KAT6B: variants seen among roughly 807,000 people sequenced by gnomAD.
KAT6B encodes lysine acetyltransferase 6B, also known as histone acetyltransferase KAT6B.
KAT6B carries 10 observed loss-of-function variants against 187.5 expected under a neutral mutation model. The observed-to-expected ratio is 0.05, with a 90% CI of 0.03 to 0.09. KAT6B has a LOEUF of 0.09. Ranked by LOEUF, KAT6B falls within the 10% of genes least tolerant of loss-of-function variation. The pLI is 1.00. For missense variants in KAT6B, 1,952 were observed against 2,558.9 expected (o/e 0.76, Z 5.12); for synonymous variants, 861 against 926.8 (o/e 0.93, Z 1.29).
intron 9 of KAT6B, among the ~76,000 whole-genome samples, chr10:74,978,828 C>G (rs1192173401): frequency 6.6e-6 from 1 of 152,166 alleles, no homozygotes; most frequent in Non-Finnish European, 1.5e-5. Flanking sequence ...ATAAATAAGC[C>G]TGTGTAATAG....
At chr10:74,999,749 G>T (rs1843701413) in intron 13 of KAT6B, among the ~76,000 whole-genome samples, 1 of 152,182 alleles carries the variant, frequency 6.6e-6, no homozygotes, top group African/African-American at 2.4e-5. Flanking sequence ...CTTCTGGGAC[G>T]AGACACTAAG....
At chr10:74,940,278 CTT>C (rs988686640) in intron 3 of KAT6B, among the ~76,000 whole-genome samples, 27 of 142,044 alleles carry the variant, frequency 1.9e-4, no homozygotes, top group Admixed American at 3.5e-4. Context: ...TATTTTTCCC[CTT>C]TTTTTTTTTT....
chr10:74,907,542 C>A (rs1263399367), intron 3 of KAT6B, among the ~76,000 whole-genome samples: 1 of 151,362 alleles, frequency 6.6e-6, no homozygotes, highest in Non-Finnish European at 1.5e-5. Flanking sequence ...TTCTTTTTTT[C>A]TGAGGCAGAG....
chr10:74,972,467 G>C, intron 6 of KAT6B, 40 bp from the exon 7 acceptor site: 1 of 1,388,690 alleles, frequency 7.2e-7, no homozygotes, highest in Non-Finnish European at 1.0e-6. Flanking sequence ...CTCTTAAAAT[G>C]AAACATTAAA....
chr10:74,929,106 A>G (rs1214464192), intron 3 of KAT6B, among the ~76,000 whole-genome samples: 1 of 152,218 alleles, frequency 6.6e-6, no homozygotes, highest in East Asian at 1.9e-4. Flanking sequence ...TTTGGGCCTC[A>G]TTGCTTATAT....
chr10:74,989,161 G>A lies in KAT6B; in HGVS notation c.2629+49G>A, dbSNP rs372910577. ...TTCATGATCCAGGAAGCTGATGGCC[G>A]TTACAGGAAACAGTAAAATATAAAA... On this transcript the variant is annotated intron_variant, in intron 13 of 17. Coordinates refer to ENST00000287239, the MANE Select transcript of KAT6B (RefSeq NM_012330.4). The A allele has an allele frequency of 3.4e-5, 43 of 1,271,978 alleles. No individual in the cohort carries two copies. In the African/African-American group the frequency reaches 4.4e-4, roughly 13 times the overall value. 78.8% of individuals were successfully genotyped at this position (1,271,978 alleles called of 1,614,324 possible). A position where few individuals can be genotyped will look rare whatever the true frequency, so the allele number is the denominator to read the frequency against.
intron 3 of KAT6B, among the ~76,000 whole-genome samples, chr10:74,904,098 C>A (rs1846588337): frequency 6.6e-6 from 1 of 152,188 alleles, no homozygotes; most frequent in Admixed American, 6.5e-5. Context: ...ACACCTGTCT[C>A]ACAACAAGGA....
chr10:74,968,438 G>T (rs1841628307), intron 4 of KAT6B, among the ~76,000 whole-genome samples: 1 of 151,324 alleles, frequency 6.6e-6, no homozygotes, highest in Admixed American at 6.6e-5. Flanking sequence ...ATTGGTGATT[G>T]ATTTTGAATG....
intron 3 of KAT6B, 131 bp from the exon 4 acceptor site, chr10:74,959,839 G>T: frequency 1.5e-6 from 1 of 687,338 alleles, no homozygotes; most frequent in South Asian, 1.7e-5. Flanking sequence ...ATTTAAATAC[G>T]TTATTTAGCA....
chr10:74,913,121 A>T (rs909307630), intron 3 of KAT6B, among the ~76,000 whole-genome samples: 1 of 152,204 alleles, frequency 6.6e-6, no homozygotes, highest in East Asian at 1.9e-4. Context: ...ACAAGCTATT[A>T]TTCAGTGTGG....
chr10:74,867,092 CTA>C (rs1843604935), intron 3 of KAT6B, among the ~76,000 whole-genome samples: 1 of 152,086 alleles, frequency 6.6e-6, no homozygotes. Context: ...GTCTCGATAA[CTA>C]GAGCTAGCTG....
At chr10:74,861,861 G>A (rs1843212337) in intron 3 of KAT6B, among the ~76,000 whole-genome samples, 1 of 152,264 alleles carries the variant, frequency 6.6e-6, no homozygotes, top group Non-Finnish European at 1.5e-5. Flanking sequence ...TACTCTACAA[G>A]AAATTAATGA....
intron 13 of KAT6B, among the ~76,000 whole-genome samples, chr10:75,006,707 GATAGGATT>G (rs1844225660): frequency 6.6e-6 from 1 of 152,112 alleles, no homozygotes; most frequent in South Asian, 2.1e-4. Context: ...TTCCCAACGT[GATAGGATT>G]ACAGGCATGA....
intron 11 of KAT6B, chr10:74,984,315 G>A (rs947087573): frequency 5.3e-5 from 8 of 152,210 alleles, no homozygotes; most frequent in Admixed American, 1.3e-4. Flanking sequence ...TTTCCCTTAA[G>A]AAAAGTGCTA....
intron 9 of KAT6B, among the ~76,000 whole-genome samples, chr10:74,978,125 G>C (rs930070621): frequency 6.6e-6 from 1 of 152,184 alleles, no homozygotes; most frequent in African/African-American, 2.4e-5. Context: ...CTGTTTTGTG[G>C]GGAAGGGGTT....
chr10:74,942,764 G>A (rs1340363063), intron 3 of KAT6B, among the ~76,000 whole-genome samples: 2 of 12,212 alleles, frequency 1.6e-4, no homozygotes, highest in Non-Finnish European at 2.2e-4. Flanking sequence ...AAACTCCATC[G>A]CAAAAAAAAA....
intron 3 of KAT6B, among the ~76,000 whole-genome samples, chr10:74,929,910 T>C (rs995138641): frequency 3.3e-5 from 5 of 151,574 alleles, no homozygotes; most frequent in African/African-American, 1.2e-4. Flanking sequence ...ATTATCCTTA[T>C]ATTATTTTTC....
intron 4 of KAT6B, among the ~76,000 whole-genome samples, chr10:74,963,493 G>C (rs1841243967): frequency 6.6e-6 from 1 of 152,156 alleles, no homozygotes; most frequent in Admixed American, 6.5e-5. Flanking sequence ...CTGTGATGCA[G>C]CTGGGTGAGT....
At chr10:75,025,629 G>T in intron 17 of KAT6B, 1 of 231,878 alleles carries the variant, frequency 4.3e-6, no homozygotes, top group Non-Finnish European at 8.6e-6. Flanking sequence ...ATCAGTGTGA[G>T]CATTGAATGG....
Sources: allele counts gnomAD v4.1 joint callset (sites outside exome capture counted in the v4.1 genomes callset), GRCh38; gene constraint gnomAD v4.1.1; transcripts MANE v1.5; gene names NCBI Gene and HGNC (gene_info 2026-07-23, HGNC 2026-07-21).